OSBPL10: variants seen among roughly 807,000 people sequenced by gnomAD.
OSBPL10 encodes oxysterol binding protein like 10, also known as oxysterol-binding protein-related protein 10.
Under a neutral mutation model 81.7 loss-of-function variants are expected in OSBPL10, and 49 were observed. The ratio of observed to expected loss-of-function variants is 0.60; its 90% CI spans 0.48 to 0.76. OSBPL10 has a LOEUF of 0.76. Among genes scored for constraint, OSBPL10 ranks in the 30% least tolerant of loss-of-function variants. The probability of loss-of-function intolerance (pLI) is 0.00; values close to 1 mark genes in which losing one functional copy is unlikely to be tolerated. For missense variants in OSBPL10, 923 were observed against 987.8 expected, an observed-to-expected ratio of 0.93 and a Z score of 0.88; for synonymous variants, 419 against 383.6, an observed-to-expected ratio of 1.09 and a Z score of -1.08.
intron 1 of OSBPL10, among the ~76,000 whole-genome samples, chr3:32,048,470 G>T (rs556879989): frequency 2.0e-5 from 3 of 152,090 alleles, no homozygotes. Context: ...ACCATGCCCG[G>T]CTAATTTTGT....
intron 2 of OSBPL10, chr3:31,989,190 G>C (rs1266204223): frequency 6.2e-7 from 1 of 1,614,068 alleles, no homozygotes; most frequent in East Asian, 2.2e-5. Context: ...CTTTGGAGGA[G>C]TGGAAATGCC....
At chr3:31,893,642 G>T (rs1039799533) in intron 1 of OSBPL10, among the ~76,000 whole-genome samples, 7 of 152,076 alleles carry the variant, frequency 4.6e-5, no homozygotes, top group African/African-American at 1.7e-4. Flanking sequence ...ATGTTAACTG[G>T]TGAATGGATA....
chr3:31,769,612 A>G (rs1176207880), intron 4 of OSBPL10, among the ~76,000 whole-genome samples: 1 of 149,038 alleles, frequency 6.7e-6, no homozygotes, highest in Non-Finnish European at 1.5e-5. Flanking sequence ...ATATTTTTAT[A>G]TTATAACTCA....
At chr3:32,036,105 T>C (rs1370521768) in intron 2 of OSBPL10, among the ~76,000 whole-genome samples, 1 of 152,220 alleles carries the variant, frequency 6.6e-6, no homozygotes, top group Non-Finnish European at 1.5e-5. Flanking sequence ...TGGGGTGCAG[T>C]GGCACATTCC....
At chr3:31,833,269 C>T (rs36103470) in intron 3 of OSBPL10, among the ~76,000 whole-genome samples, 8,944 of 152,206 alleles carry the variant, frequency 0.059, 677 homozygotes, top group East Asian at 0.43. Flanking sequence ...TCTTCATACA[C>T]ACACCTCTAT....
chr3:31,771,780 A>T (rs1364994526), intron 4 of OSBPL10, among the ~76,000 whole-genome samples: 2 of 152,124 alleles, frequency 1.3e-5, no homozygotes, highest in Non-Finnish European at 2.9e-5. Flanking sequence ...GCTCTGGAAA[A>T]CTTCGTAATT....
Position 31,943,275 on chromosome 3 carries a change from T to C in OSBPL10, c.281+37624A>G, listed in dbSNP as rs948450620. On this transcript the variant is annotated intron_variant, in intron 1 of 11. Coordinates refer to ENST00000396556, the MANE Select transcript of OSBPL10 (RefSeq NM_017784.5). ...TTCATCTACTGATGCACACTTGGGT[T>C]GTTTCCATTTTTGAATCTTGTGAAT... Among the ~76,000 whole-genome samples the C allele has an allele frequency of 3.9e-5, 6 of 152,240 alleles. No homozygotes were observed. In the South Asian group the frequency reaches 1.2e-3, roughly 31 times the overall value.
Position 31,702,351 on chromosome 3 carries a change from C to A in OSBPL10, c.1245+8G>T. On this transcript the variant is annotated splice_region_variant and intron_variant, in intron 7 of 11. Coordinates refer to ENST00000396556, the MANE Select transcript of OSBPL10 (RefSeq NM_017784.5). ...CTGACCACAAATCCAGGGGACATGC[C>A]AACCTACCTTGGTCAAATCCATTCC... is the stretch of plus-strand genomic sequence containing the variant. 1 of 1,613,538 alleles carries A rather than the reference C, an allele frequency of 6.2e-7. No individual in the cohort carries two copies. The highest frequency in any genetic ancestry group is 8.5e-7 in the Non-Finnish European group (1 of 1,179,494).
intron 1 of OSBPL10, among the ~76,000 whole-genome samples, chr3:32,048,025 C>A (rs1456931404): frequency 6.6e-6 from 1 of 152,114 alleles, no homozygotes; most frequent in Non-Finnish European, 1.5e-5. Flanking sequence ...GTCCTGCCGA[C>A]TTCCAATATC....
At chr3:32,049,344 C>T (rs988531904) in intron 1 of OSBPL10, among the ~76,000 whole-genome samples, 3 of 152,122 alleles carry the variant, frequency 2.0e-5, no homozygotes, top group Non-Finnish European at 4.4e-5. Context: ...AGGGACTATA[C>T]TGGGGAGACT....
intron 11 of OSBPL10, chr3:31,663,606 C>T: frequency 1.9e-6 from 2 of 1,035,926 alleles, no homozygotes; most frequent in Non-Finnish European, 2.3e-6. Flanking sequence ...CCCTGCATGA[C>T]TAGCCCTTGT....
intron 2 of OSBPL10, among the ~76,000 whole-genome samples, chr3:32,022,252 A>G (rs543141801): frequency 1.3e-5 from 2 of 152,180 alleles, no homozygotes; most frequent in Admixed American, 6.5e-5. Flanking sequence ...AAACACTGAC[A>G]TTGGGATTTG....
intron 1 of OSBPL10, among the ~76,000 whole-genome samples, chr3:31,927,734 T>G (rs1273360294): frequency 6.6e-6 from 1 of 152,198 alleles, no homozygotes; most frequent in East Asian, 1.9e-4. Context: ...TCATGCCAGC[T>G]CCTTCTCATT....
At chr3:31,785,770 T>C (rs1006340857) in intron 4 of OSBPL10, among the ~76,000 whole-genome samples, 3 of 152,202 alleles carry the variant, frequency 2.0e-5, no homozygotes, top group Non-Finnish European at 4.4e-5. Context: ...ACTAGATAAT[T>C]CCTGGTCATT....
intron 3 of OSBPL10, among the ~76,000 whole-genome samples, chr3:31,854,526 A>G (rs890085854): frequency 6.6e-6 from 1 of 152,238 alleles, no homozygotes; most frequent in Non-Finnish European, 1.5e-5. Flanking sequence ...ACTTTTTAAA[A>G]AAGAATGTTT....
At chr3:32,001,204 A>G (rs1699141513) in intron 2 of OSBPL10, among the ~76,000 whole-genome samples, 1 of 152,134 alleles carries the variant, frequency 6.6e-6, no homozygotes, top group South Asian at 2.1e-4. Context: ...CCAAGCAGCG[A>G]TGCCTAAGAG....
intron 1 of OSBPL10, among the ~76,000 whole-genome samples, chr3:31,942,065 G>C (rs1168179019): frequency 6.6e-6 from 1 of 152,064 alleles, no homozygotes; most frequent in South Asian, 2.1e-4. Flanking sequence ...ACGAGGTCAG[G>C]AGATTGAGAC....
chr3:31,724,024 A>G (rs917904892), intron 6 of OSBPL10, among the ~76,000 whole-genome samples: 3 of 152,218 alleles, frequency 2.0e-5, no homozygotes, highest in African/African-American at 7.2e-5. Context: ...GGGTGAGACT[A>G]AATACCCCAA....
chr3:31,868,052 G>A (rs1306573634), intron 3 of OSBPL10, among the ~76,000 whole-genome samples: 5 of 150,854 alleles, frequency 3.3e-5, no homozygotes, highest in Admixed American at 2.0e-4. Flanking sequence ...GCATATGAAC[G>A]TACAAGAAAA....
Sources: gnomAD v4.1 joint callset for allele counts (sites outside exome capture counted in the v4.1 genomes callset) on GRCh38, gnomAD v4.1.1 for gene constraint, MANE v1.5 for transcripts, NCBI Gene and HGNC (gene_info 2026-07-23, HGNC 2026-07-21) for gene names.